Variants in CNKSR2 observed in about 807,000 individuals in gnomAD.
CNKSR2 encodes connector enhancer of kinase suppressor of Ras 2.
A neutral mutation model predicts 84.4 loss-of-function variants in CNKSR2; 14 were observed. The observed-to-expected ratio is 0.17, with a 90% CI of 0.11 to 0.26. The LOEUF (loss-of-function observed/expected upper bound fraction) is 0.26, where lower values mean the gene tolerates loss of function less well. CNKSR2 is among the 10% of genes least tolerant of loss of function. CNKSR2 has a pLI of 1.00. For synonymous variants in CNKSR2, 275 were observed against 277.9 expected, an observed-to-expected ratio of 0.99 and a Z score of 0.10; for missense variants, 485 against 771.2, an observed-to-expected ratio of 0.63 and a Z score of 4.40.
intron 5 of CNKSR2, among the ~76,000 whole-genome samples, chrX:21,482,506 G>A (rs1392387263): frequency 4.5e-5 from 5 of 112,247 alleles, no homozygotes; most frequent in African/African-American, 1.6e-4. Context: ...GTAGTAACAG[G>A]ACTAACACTG....
At chrX:21,503,295 G>A (rs987564096) in intron 8 of CNKSR2, 3 of 293,295 alleles carry the variant, frequency 1.0e-5, no homozygotes, top group Non-Finnish European at 1.8e-5. Context: ...GGAAAACTTG[G>A]TTCCAGCTCT....
intron 4 of CNKSR2, among the ~76,000 whole-genome samples, chrX:21,451,636 G>T (rs2147106007): frequency 1.0e-5 from 1 of 96,767 alleles, no homozygotes; most frequent in African/African-American, 3.8e-5. Context: ...CTCATAGGTG[G>T]GAATTGAACA....
chrX:21,654,272 T>TTA lies in CNKSR2; in HGVS notation c.*1751_*1752insTA, dbSNP rs746125707. ...TTAAATTTGTGGGATTTTGTATATG[T>TTA]AAAAAAAAAAAAAAAAAAAAAACAA... On this transcript the variant is annotated 3_prime_UTR_variant, in exon 22 of 22. Coordinates refer to ENST00000379510, the MANE Select transcript of CNKSR2 (RefSeq NM_014927.5). 6.5e-5 allele frequency: 4 copies of TTA among 61,077 alleles called. No individual in the cohort carries two copies. The highest frequency in any genetic ancestry group is 8.5e-5 in the Non-Finnish European group (3 of 35,170). The allele number at this position is 61,077 out of a possible 1,213,427, so 5.0% of individuals were successfully genotyped here.
intron 1 of CNKSR2, among the ~76,000 whole-genome samples, chrX:21,403,806 A>G (rs1404002974): frequency 1.8e-5 from 2 of 111,711 alleles, no homozygotes; most frequent in East Asian, 2.8e-4. Flanking sequence ...TAAATGCAGA[A>G]TCTTACCCTA....
At chrX:21,380,201 G>C (rs1330724556) in intron 1 of CNKSR2, among the ~76,000 whole-genome samples, 1 of 111,779 alleles carries the variant, frequency 8.9e-6, no homozygotes, top group Non-Finnish European at 1.9e-5. Context: ...AGCCCACAAA[G>C]AATGTGTATT....
chrX:21,495,921 A>G (rs970357383), intron 6 of CNKSR2, among the ~76,000 whole-genome samples: 2 of 106,892 alleles, frequency 1.9e-5, no homozygotes, highest in African/African-American at 6.9e-5. Flanking sequence ...TAATTTCATC[A>G]TTATGTGAAC....
At chrX:21,590,742 G>A (rs2092415584) in intron 14 of CNKSR2, 122 bp downstream of exon 14, 3 of 663,760 alleles carry the variant, frequency 4.5e-6, no homozygotes, top group South Asian at 6.8e-5. Context: ...CAACCCCCTT[G>A]TGCGAAAGCT....
intron 8 of CNKSR2, among the ~76,000 whole-genome samples, chrX:21,509,167 A>T (rs1191958557): frequency 1.8e-5 from 2 of 112,187 alleles, no homozygotes; most frequent in Non-Finnish European, 3.8e-5. Context: ...ATTAAGTATT[A>T]AAAAAGATAT....
chrX:21,571,237 T>A (rs994626752), intron 13 of CNKSR2, among the ~76,000 whole-genome samples: 3 of 112,394 alleles, frequency 2.7e-5, no homozygotes, highest in African/African-American at 9.7e-5. Flanking sequence ...ATAACAGATA[T>A]AATAATAAAG....
intron 20 of CNKSR2, among the ~76,000 whole-genome samples, chrX:21,613,377 T>C (rs1390587714): frequency 8.9e-6 from 1 of 111,996 alleles, no homozygotes; most frequent in Non-Finnish European, 1.9e-5. Context: ...TAAGCAATTA[T>C]AAGGGAACTC....
intron 20 of CNKSR2, among the ~76,000 whole-genome samples, chrX:21,626,261 A>G (rs1358311541): frequency 1.8e-5 from 2 of 109,680 alleles, no homozygotes; most frequent in Non-Finnish European, 3.8e-5. Flanking sequence ...AAAAAAAAAA[A>G]AAAAAATGGC....
intron 11 of CNKSR2, among the ~76,000 whole-genome samples, chrX:21,554,015 C>T (rs1444657151): frequency 1.8e-5 from 2 of 111,343 alleles, no homozygotes; most frequent in African/African-American, 6.5e-5. Context: ...TCATTCCTCC[C>T]ACACCCCTCT....
At position 21,523,741 on chromosome X, in the gene CNKSR2, G is replaced by A. The variant is rs147612569; in HGVS notation, c.958-3126G>A. ...AAACTTAAATGGCTATTGGTGATAGGTGTATTTTTAATGCCACTTGTTACA... is the reference window on the plus strand; with the variant it reads ...AAACTTAAATGGCTATTGGTGATAGATGTATTTTTAATGCCACTTGTTACA... On this transcript the variant is annotated intron_variant, in intron 9 of 21. Transcript: ENST00000379510. Among the ~76,000 whole-genome samples, 1,063 of 110,455 alleles carry A rather than the reference G, an allele frequency of 9.6e-3. 12 individuals are homozygous for A. Among genetic ancestry groups the A allele is most frequent in the African/African-American group, 0.031 (965 of 30,666 alleles).
In CNKSR2 at chrX:21,647,453, G is replaced by A. The variant is rs1388929537; in HGVS notation, c.2693-1378G>A. On this transcript the variant is annotated intron_variant, in intron 20 of 21. Coordinates refer to ENST00000379510, the MANE Select transcript of CNKSR2 (RefSeq NM_014927.5). ...TTTTTGAATGCTGCATTTTAAGGGC[G>A]TCTCACATTCATTGGCATCTACTGC... is the stretch of plus-strand genomic sequence containing the variant. Among the ~76,000 whole-genome samples, 8 of 111,683 alleles carry A rather than the reference G, an allele frequency of 7.2e-5. No individual in the cohort carries two copies. In the East Asian group the frequency reaches 1.7e-3, roughly 23 times the overall value.
Position 21,591,074 on chromosome X carries a change from T to C in CNKSR2, c.1710T>C (p.Arg570=). 8.3e-7 allele frequency: 1 copy of C among 1,210,017 alleles called. No individual in the cohort carries two copies. The highest frequency in any genetic ancestry group is 1.1e-6 in the Non-Finnish European group (1 of 894,454). ...KRRISCKDLG[R]GDCEGWLWKK... The stretch of plus-strand genomic sequence containing the variant: ...GAATTTCTTGCAAAGATCTTGGCCG[T>C]GGTGACTGTGAGGGCTGGCTTTGGA... Residue 570 remains arginine (R), a synonymous_variant, in exon 15 of 22, where the codon CGT becomes CGC. Transcript: ENST00000379510.
chrX:21,456,884 T>G (rs777191168), intron 4 of CNKSR2, among the ~76,000 whole-genome samples: 1 of 111,902 alleles, frequency 8.9e-6, no homozygotes, highest in South Asian at 3.7e-4. Flanking sequence ...TTCTTATCTT[T>G]TGACATTTTG....
chrX:21,479,039 TC>T (rs2091288333), intron 5 of CNKSR2, among the ~76,000 whole-genome samples: 1 of 111,827 alleles, frequency 8.9e-6, no homozygotes, highest in East Asian at 2.8e-4. Context: ...TTAAGTCATT[TC>T]TTACCCCTTA....
At chrX:21,554,718 TTATC>T (rs778517013) in intron 11 of CNKSR2, among the ~76,000 whole-genome samples, 2 of 112,045 alleles carry the variant, frequency 1.8e-5, no homozygotes, top group East Asian at 5.6e-4. Context: ...CACATTTTCT[TTATC>T]TAGTCTATCA....
intron 5 of CNKSR2, among the ~76,000 whole-genome samples, chrX:21,474,470 G>A (rs190982598): frequency 4.0e-4 from 45 of 112,052 alleles, no homozygotes; most frequent in Non-Finnish European, 7.1e-4. Context: ...TGTCCAACCT[G>A]CCTGACAAAA....
Sources: gnomAD v4.1 joint callset for allele counts (sites outside exome capture counted in the v4.1 genomes callset) on GRCh38, gnomAD v4.1.1 for gene constraint, MANE v1.5 for transcripts, NCBI Gene and HGNC (gene_info 2026-07-23, HGNC 2026-07-21) for gene names.